Variants in MAPT observed in about 807,000 individuals in gnomAD.
MAPT encodes microtubule associated protein tau.
Under a neutral mutation model 67.9 loss-of-function variants are expected in MAPT, and 34 were observed. That is an observed-to-expected ratio of 0.50 (90% CI 0.38 to 0.67). The LOEUF is 0.67. Ranked by LOEUF, MAPT falls within the 30% of genes least tolerant of loss-of-function variation. MAPT has a pLI of 0.00. For missense variants in MAPT, 881 were observed against 1,115.2 expected (o/e 0.79, Z 2.99); for synonymous variants, 456 against 464.5 (o/e 0.98, Z 0.23).
At chr17:45,956,589 TATATATA>T (rs1568231030) in intron 1 of MAPT, among the ~76,000 whole-genome samples, 10 of 23,598 alleles carry the variant, frequency 4.2e-4, no homozygotes, top group African/African-American at 1.3e-3. Context: ...TATATATATA[TATATATA>T]TATATTTTTT....
intron 9 of MAPT, among the ~76,000 whole-genome samples, chr17:46,006,420 C>T (rs1369836221): frequency 6.6e-6 from 1 of 151,324 alleles, no homozygotes. Flanking sequence ...AGGATGGTTA[C>T]CAGAGGCTGA....
rs529920933 is a variant in MAPT, at chr17:45,996,183, C to T, written c.1733-216C>T. Reference sequence around the variant, plus strand: ...TGGTTGATGGTTTTCCATTGCTTTCCTGGGAAAGGGGTGTCTCTGTCCCTA... The same window carrying T: ...TGGTTGATGGTTTTCCATTGCTTTCTTGGGAAAGGGGTGTCTCTGTCCCTA... On this transcript the variant is annotated intron_variant, in intron 8 of 12. Coordinates refer to ENST00000262410, the MANE Select transcript of MAPT (RefSeq NM_001377265.1). This position sits in a 1 kb window ranked among gnomAD's most constrained non-coding sequence, Gnocchi z 4.5. 6.6e-6 allele frequency among the ~76,000 whole-genome samples: 1 copy of T among 152,242 alleles called. No homozygotes were observed. The highest frequency in any genetic ancestry group is 1.9e-4 in the East Asian group (1 of 5,170).
rs1325981018 is a variant in MAPT, at chr17:45,991,470, G to C, written c.1616G>C (p.Gly539Ala). The C allele has an allele frequency of 5.0e-6, 8 of 1,614,186 alleles. No individual in the cohort carries two copies. Among genetic ancestry groups the C allele is most frequent in the Non-Finnish European group, 6.8e-6 (8 of 1,180,026 alleles). Residue 539 changes from glycine to alanine, a missense_variant, in exon 8 of 13, where the codon GGT (glycine) becomes GCT (alanine). Gly to Ala is a moderately conservative substitution (Grantham distance 60). Around this residue, in one of 6 missense-constraint regions of MAPT, gnomAD observed 687 missense variants for 766.1 expected, o/e 0.90. Transcript: ENST00000262410. ...ATGTTTCATTTACAGGGGGCTGATG[G>C]TAAAACGAAGATCGCCACACCGCGG... Reference protein sequence around the residue: ...AKEMKLKGADGKTKIATPRGA... With the variant: ...AKEMKLKGADAKTKIATPRGA...
At chr17:45,907,424 G>T (rs2064397710) in intron 1 of MAPT, among the ~76,000 whole-genome samples, 1 of 152,168 alleles carries the variant, frequency 6.6e-6, no homozygotes, top group South Asian at 2.1e-4. Context: ...CCCGCTTCCT[G>T]TGTAGGACTC....
chr17:45,983,860 A>G lies in MAPT; in HGVS notation c.1281A>G (p.Pro427=), dbSNP rs1369561928. The change falls in exon 5 of 13, where the codon CCA becomes CCG. Residue 427 remains proline, a synonymous_variant. Transcript: ENST00000262410. ...LGEDTKEADL[P]EPSEKQPAAA... is the part of the protein sequence containing the mutation. ...AGGACACAAAAGAGGCTGACCTTCC[A>G]GAGCCCTCTGAAAAGCAGCCTGCTG... 6.2e-7 allele frequency: 1 copy of G among 1,603,700 alleles called. No homozygotes were observed. Among genetic ancestry groups the G allele is most frequent in the Non-Finnish European group, 8.5e-7 (1 of 1,176,882 alleles).
At chr17:45,909,189 G>A (rs567056525) in intron 1 of MAPT, among the ~76,000 whole-genome samples, 65 of 151,212 alleles carry the variant, frequency 4.3e-4, no homozygotes, top group African/African-American at 1.5e-3. Context: ...CTTAGACCAC[G>A]AACACCCTGT....
intron 1 of MAPT, among the ~76,000 whole-genome samples, chr17:45,944,579 C>T (rs142892006): frequency 2.1e-3 from 319 of 152,338 alleles, no homozygotes; most frequent in Middle Eastern, 0.01. Context: ...TCAAGCTCAG[C>T]TTTGGGCCCG....
At chr17:45,969,646 GTTCATCCATCCATCCA>G (rs1376520958) in intron 2 of MAPT, among the ~76,000 whole-genome samples, 1 of 124,742 alleles carries the variant, frequency 8.0e-6, no homozygotes, top group South Asian at 2.5e-4. Flanking sequence ...TCTTCCCTCG[GTTCATCCATCCATCCA>G]TTCATCCATC....
At chr17:45,998,752 G>A (rs892916658) in intron 9 of MAPT, among the ~76,000 whole-genome samples, 4 of 152,012 alleles carry the variant, frequency 2.6e-5, no homozygotes, top group Admixed American at 6.6e-5. Context: ...CTTCCACTGG[G>A]GACAATGCGC....
At chr17:46,001,766 C>G (rs555859463) in intron 9 of MAPT, among the ~76,000 whole-genome samples, 1 of 152,338 alleles carries the variant, frequency 6.6e-6, no homozygotes, top group Non-Finnish European at 1.5e-5. Flanking sequence ...GTGCTAAGAG[C>G]TTTTGCCCCC....
At chr17:45,999,783 TG>T (rs148923189) in intron 9 of MAPT, 1 of 905,614 alleles carries the variant, frequency 1.1e-6, no homozygotes. Context: ...TGAGATATTT[TG>T]GGGGACGAAG....
chr17:45,939,995 C>T (rs1262840782), intron 1 of MAPT, among the ~76,000 whole-genome samples: 1 of 152,170 alleles, frequency 6.6e-6, no homozygotes, highest in Admixed American at 6.5e-5. Context: ...ATAATTACCC[C>T]CTCCCCACTA....
intron 8 of MAPT, chr17:45,993,796 G>A: frequency 3.5e-6 from 3 of 867,754 alleles, no homozygotes; most frequent in Non-Finnish European, 1.9e-6. Flanking sequence ...TCCCCCTTGG[G>A]CCCCTCGACC....
intron 1 of MAPT, among the ~76,000 whole-genome samples, chr17:45,900,621 G>A (rs545149806): frequency 6.6e-6 from 1 of 152,210 alleles, no homozygotes; most frequent in Non-Finnish European, 1.5e-5. Context: ...ATTCAAGGAA[G>A]GTTTGGGAGC....
intron 1 of MAPT, among the ~76,000 whole-genome samples, chr17:45,903,530 T>TAACA (rs1281734043): frequency 6.6e-6 from 1 of 150,854 alleles, no homozygotes; most frequent in Non-Finnish European, 1.5e-5. Flanking sequence ...CCATCCTGGC[T>TAACA]TTGTGAAACC....
At chr17:45,909,361 A>C (rs1160724236) in intron 1 of MAPT, among the ~76,000 whole-genome samples, 2 of 152,190 alleles carry the variant, frequency 1.3e-5, no homozygotes, top group Non-Finnish European at 2.9e-5. Flanking sequence ...CAATGTGCAG[A>C]GAACACTTGG....
chr17:45,991,688 G>C, intron 8 of MAPT, 102 bp downstream of exon 8: 1 of 1,540,290 alleles, frequency 6.5e-7, no homozygotes, highest in Middle Eastern at 1.9e-4. Context: ...ATAACCCCTG[G>C]CAGCTGGTCA....
At chr17:45,985,582 A>T (rs1017967766) in intron 5 of MAPT, 3 of 532,630 alleles carry the variant, frequency 5.6e-6, no homozygotes, top group African/African-American at 2.1e-5. Flanking sequence ...TAATGTACTA[A>T]TGGCCATTGT....
At chr17:45,899,845 C>T (rs992106385) in intron 1 of MAPT, among the ~76,000 whole-genome samples, 6 of 152,154 alleles carry the variant, frequency 3.9e-5, no homozygotes, top group Non-Finnish European at 7.4e-5. Flanking sequence ...AATATCTCTT[C>T]CTAAGGTCCT....
Sources: gnomAD v4.1 joint callset for allele counts (sites outside exome capture counted in the v4.1 genomes callset) on GRCh38, gnomAD v4.1.1 for gene constraint, gnomAD v4.1.1 regional missense constraint, Gnocchi (gnomAD v3.1) non-coding constraint, MANE v1.5 for transcripts, NCBI Gene and HGNC (gene_info 2026-07-23, HGNC 2026-07-21) for gene names.